Variants in RBFOX1 observed in about 807,000 individuals in gnomAD.
The protein encoded by RBFOX1 is RNA binding protein fox-1 homolog 1.
A neutral mutation model predicts 57.7 loss-of-function variants in RBFOX1; 8 were observed. The ratio of observed to expected loss-of-function variants is 0.14; its 90% CI spans 0.08 to 0.25. RBFOX1 has a LOEUF of 0.25. RBFOX1 is among the 10% of genes least tolerant of loss of function. The probability of loss-of-function intolerance (pLI) is 1.00; values close to 1 mark genes in which losing one functional copy is unlikely to be tolerated. For synonymous variants in RBFOX1, 326 were observed against 222.4 expected (o/e 1.47, Z -4.15); for missense variants, 611 against 548.5 (o/e 1.11, Z -1.14).
chr16:5,361,947 A>G (rs929046047), intron 1 of RBFOX1, among the ~76,000 whole-genome samples: 5 of 152,244 alleles, frequency 3.3e-5, no homozygotes, highest in Non-Finnish European at 7.3e-5. Context: ...ATAATGCTCA[A>G]ATAGCATTTC....
intron 1 of RBFOX1, among the ~76,000 whole-genome samples, chr16:6,079,022 T>C (rs891132185): frequency 2.6e-5 from 4 of 152,210 alleles, no homozygotes; most frequent in African/African-American, 9.6e-5. Context: ...AAGTCATTTT[T>C]CTCTGGCTGG....
At chr16:5,756,111 C>G (rs990025608) in intron 3 of RBFOX1, among the ~76,000 whole-genome samples, 1 of 148,494 alleles carries the variant, frequency 6.7e-6, no homozygotes, top group Admixed American at 6.9e-5. Flanking sequence ...AGGAGAGATA[C>G]AAAGCTACAG....
At chr16:6,466,164 G>A (rs1022067265) in intron 2 of RBFOX1, among the ~76,000 whole-genome samples, 1 of 151,494 alleles carries the variant, frequency 6.6e-6, no homozygotes, top group Non-Finnish European at 1.5e-5. Flanking sequence ...GGGAGGCAGA[G>A]GTTGCAAGTG....
intron 3 of RBFOX1, among the ~76,000 whole-genome samples, chr16:6,752,842 G>A (rs7199937): frequency 0.95 from 143,450 of 151,470 alleles, 68,406 homozygotes; most frequent in East Asian, 1. Flanking sequence ...GCAGGGTTCT[G>A]TGTTCTCTGT....
intron 2 of RBFOX1, among the ~76,000 whole-genome samples, chr16:6,555,193 G>A (rs996075067): frequency 6.6e-6 from 1 of 152,126 alleles, no homozygotes; most frequent in African/African-American, 2.4e-5. Flanking sequence ...AGGAGTCCTA[G>A]ACCAGAGAAT....
At position 7,632,744 on chromosome 16, in the gene RBFOX1, C is replaced by G. The variant is rs531331717; in HGVS notation, c.757+2061C>G. Among the ~76,000 whole-genome samples the G allele has an allele frequency of 3.9e-5, 6 of 152,274 alleles. No homozygotes were observed. The South Asian group carries it at 1.2e-3, about 32-fold the overall frequency. On this transcript the variant is annotated intron_variant, in intron 11 of 15. Transcript: ENST00000550418. ...AAGTGTCTGGGATAAAATCTTTATG[C>G]TATCCAGCATAGTGCTGATGGAACT...
At chr16:6,244,033 A>G (rs2152931073) in intron 1 of RBFOX1, among the ~76,000 whole-genome samples, 1 of 152,264 alleles carries the variant, frequency 6.6e-6, no homozygotes, top group Non-Finnish European at 1.5e-5. Context: ...TAGAGCCGTG[A>G]GTGATGCAGT....
At chr16:6,842,853 G>C (rs1004217867) in intron 3 of RBFOX1, among the ~76,000 whole-genome samples, 2 of 151,910 alleles carry the variant, frequency 1.3e-5, no homozygotes, top group African/African-American at 2.4e-5. Flanking sequence ...CCCGGTGTGT[G>C]ATGTTCCCCT....
chr16:5,257,857 G>A (rs9937318), intron 1 of RBFOX1, among the ~76,000 whole-genome samples: 3 of 151,728 alleles, frequency 2.0e-5, no homozygotes, highest in Admixed American at 6.6e-5. Flanking sequence ...GGGGTGGGGG[G>A]GAAATGGGAT....
At chr16:6,957,277 G>A (rs867504481) in intron 3 of RBFOX1, among the ~76,000 whole-genome samples, 80 of 151,764 alleles carry the variant, frequency 5.3e-4, no homozygotes, top group Admixed American at 1.3e-4. Flanking sequence ...GACTACAGGT[G>A]CCCACCACTG....
chr16:6,457,175 A>G (rs2094794293), intron 2 of RBFOX1, among the ~76,000 whole-genome samples: 1 of 152,196 alleles, frequency 6.6e-6, no homozygotes, highest in Non-Finnish European at 1.5e-5. Context: ...GACGTTTCCC[A>G]GAGGAGAAAG....
Position 6,287,433 on chromosome 16 carries a change from A to G in RBFOX1, c.-126-29562A>G, listed in dbSNP as rs919138650. 4.6e-5 allele frequency among the ~76,000 whole-genome samples: 7 copies of G among 152,132 alleles called. 1 individual carries two copies. The highest frequency in any genetic ancestry group is 2.0e-4 in the Admixed American group (3 of 15,260). On this transcript the variant is annotated intron_variant, in intron 1 of 15. Coordinates refer to ENST00000550418, the MANE Select transcript of RBFOX1 (RefSeq NM_018723.4). Reference sequence around the variant, plus strand: ...AATATGATATTTATTAAATTAGCCAATGGATGTGTTTTGAGGACATGTCAT... The same window carrying G: ...AATATGATATTTATTAAATTAGCCAGTGGATGTGTTTTGAGGACATGTCAT...
intron 4 of RBFOX1, among the ~76,000 whole-genome samples, chr16:7,353,609 A>G (rs886494164): frequency 2.6e-5 from 4 of 152,216 alleles, no homozygotes; most frequent in African/African-American, 7.2e-5. Context: ...ATAGCATACA[A>G]TGGGATATGT....
intron 3 of RBFOX1, among the ~76,000 whole-genome samples, chr16:5,627,983 C>T (rs529461071): frequency 5.3e-5 from 8 of 152,292 alleles, no homozygotes; most frequent in Non-Finnish European, 7.4e-5. Context: ...TAGAGGCATT[C>T]TTATAGCCTT....
chr16:7,227,914 C>T (rs915089521), intron 4 of RBFOX1, among the ~76,000 whole-genome samples: 2 of 152,212 alleles, frequency 1.3e-5, no homozygotes, highest in Non-Finnish European at 2.9e-5. Flanking sequence ...TCCCTTCTAG[C>T]AGGATTTTTC....
In RBFOX1 at chr16:7,466,240, A is replaced by C. The variant is rs537344224; in HGVS notation, c.28-51907A>C. On this transcript the variant is annotated intron_variant, in intron 4 of 15. Coordinates refer to ENST00000550418, the MANE Select transcript of RBFOX1 (RefSeq NM_018723.4). Reference sequence around the variant, plus strand: ...ATAGAACAACAATCCTTACAGCTCTACTCTGAAGTATTGTACGTACAGTTA... The same window carrying C: ...ATAGAACAACAATCCTTACAGCTCTCCTCTGAAGTATTGTACGTACAGTTA... Among the ~76,000 whole-genome samples, 101 of 152,270 alleles carry C rather than the reference A, an allele frequency of 6.6e-4. 1 individual carries two copies. The highest frequency in any genetic ancestry group is 2.3e-3 in the African/African-American group (96 of 41,546).
intron 10 of RBFOX1, among the ~76,000 whole-genome samples, chr16:7,608,143 C>T (rs1349299731): frequency 1.3e-5 from 2 of 152,178 alleles, no homozygotes; most frequent in African/African-American, 2.4e-5. Context: ...TGATGTGGCT[C>T]TTGCTTTTTA....
At chr16:5,681,861 C>G (rs921882416) in intron 3 of RBFOX1, among the ~76,000 whole-genome samples, 2 of 152,068 alleles carry the variant, frequency 1.3e-5, no homozygotes, top group East Asian at 3.9e-4. Context: ...GAGGGACTGA[C>G]CTGGCTGAAG....
intron 3 of RBFOX1, among the ~76,000 whole-genome samples, chr16:5,673,080 C>T (rs990432299): frequency 1.3e-5 from 2 of 152,096 alleles, no homozygotes; most frequent in African/African-American, 4.8e-5. Flanking sequence ...GGAAGTATGT[C>T]TAGCGGCATC....
Sources: gnomAD v4.1 joint callset for allele counts (sites outside exome capture counted in the v4.1 genomes callset) on GRCh38, gnomAD v4.1.1 for gene constraint, MANE v1.5 for transcripts, NCBI Gene and HGNC (gene_info 2026-07-23, HGNC 2026-07-21) for gene names.